The following SLC24A2 variants were observed in gnomAD, a reference collection of about 807,000 sequenced individuals.
SLC24A2 encodes the protein solute carrier family 24 member 2, also known as sodium/potassium/calcium exchanger 2.
Under a neutral mutation model 62.0 loss-of-function variants are expected in SLC24A2, and 36 were observed. That is an observed-to-expected ratio of 0.58 (90% CI 0.44 to 0.77). The LOEUF (loss-of-function observed/expected upper bound fraction) is 0.77, where lower values mean the gene tolerates loss of function less well. Among genes scored for constraint, SLC24A2 ranks in the 30% least tolerant of loss-of-function variants. The pLI is 0.00. For synonymous variants in SLC24A2, 358 were observed against 294.0 expected (o/e 1.22, Z -2.23); for missense variants, 846 against 817.9 (o/e 1.03, Z -0.42).
chr9:20,064,003 A>G, the SLC24A2 span, among the ~76,000 whole-genome samples: 1 of 152,222 alleles, frequency 6.6e-6, no homozygotes, highest in Admixed American at 6.5e-5. Flanking sequence ...ATAAAAACAT[A>G]TGCACAAAGA....
the SLC24A2 span, among the ~76,000 whole-genome samples, chr9:20,076,282 A>G: frequency 2.0e-5 from 3 of 152,320 alleles, no homozygotes; most frequent in African/African-American, 7.2e-5. Flanking sequence ...GATGATAAAA[A>G]ACTAGAGAGA....
chr9:19,862,793 A>G, the SLC24A2 span, among the ~76,000 whole-genome samples: 1 of 151,982 alleles, frequency 6.6e-6, no homozygotes. Context: ...ATCAGATAGT[A>G]TTTGCAAGCC....
chr9:20,294,153 C>T, the SLC24A2 span, among the ~76,000 whole-genome samples: 1 of 152,082 alleles, frequency 6.6e-6, no homozygotes, highest in African/African-American at 2.4e-5. Flanking sequence ...CAGCCTGCTA[C>T]CCCAGGCACA....
the SLC24A2 span, among the ~76,000 whole-genome samples, chr9:20,089,789 TACAGCACACCACAGCATACC>T: frequency 6.6e-6 from 1 of 150,484 alleles, no homozygotes; most frequent in Non-Finnish European, 1.5e-5. Context: ...CACCAGAACT[TACAGCACACCACAGCATACC>T]ACAGAACACC....
At chr9:19,990,931 A>ATATATATATATATATATATATATATG in the SLC24A2 span, among the ~76,000 whole-genome samples, 1 of 119,482 alleles carries the variant, frequency 8.4e-6, no homozygotes, top group African/African-American at 3.1e-5. Flanking sequence ...GGATATATAT[A>ATATATATATATATATATATATATATG]TATATGTATG....
chr9:19,999,854 G>C, the SLC24A2 span, among the ~76,000 whole-genome samples: 1 of 152,180 alleles, frequency 6.6e-6, no homozygotes, highest in African/African-American at 2.4e-5. Context: ...AAGTCTAGAA[G>C]GGGCCTGTTT....
At chr9:19,816,775 T>A in the SLC24A2 span, among the ~76,000 whole-genome samples, 1 of 151,918 alleles carries the variant, frequency 6.6e-6, no homozygotes, top group South Asian at 2.1e-4. Flanking sequence ...TCATGAGAAC[T>A]CACTCACTAT....
intron 4 of SLC24A2, among the ~76,000 whole-genome samples, chr9:19,607,643 C>T (rs901014394): frequency 2.1e-5 from 3 of 144,958 alleles, no homozygotes; most frequent in Non-Finnish European, 3.0e-5. Flanking sequence ...CGCTTGAACC[C>T]GGGAGGTGGA....
chr9:19,965,008 G>C, the SLC24A2 span, among the ~76,000 whole-genome samples: 27 of 152,216 alleles, frequency 1.8e-4, no homozygotes, highest in African/African-American at 6.5e-4. Flanking sequence ...CACATGTAGA[G>C]ACAACAGCCT....
chr9:20,182,903 T>C, the SLC24A2 span, among the ~76,000 whole-genome samples: 1 of 152,224 alleles, frequency 6.6e-6, no homozygotes, highest in South Asian at 2.1e-4. Context: ...TGGGCCACAA[T>C]CTTTTTACTT....
chr9:19,779,868 G>A (rs1822958819), intron 2 of SLC24A2, among the ~76,000 whole-genome samples: 1 of 151,520 alleles, frequency 6.6e-6, no homozygotes, highest in Non-Finnish European at 1.5e-5. Flanking sequence ...GACCACCCTG[G>A]CTAACATGGT....
intron 2 of SLC24A2, among the ~76,000 whole-genome samples, chr9:19,625,395 T>C (rs920310166): frequency 5.3e-5 from 8 of 152,162 alleles, no homozygotes; most frequent in Admixed American, 5.2e-4. Context: ...CACACACAAC[T>C]ATTCTTTGAG....
the SLC24A2 span, among the ~76,000 whole-genome samples, chr9:19,825,457 T>G: frequency 1.4e-4 from 21 of 152,288 alleles, no homozygotes; most frequent in Admixed American, 1.3e-4. Context: ...AACTAGTTTA[T>G]GATTTAGGCT....
intron 9 of SLC24A2, 82 bp downstream of exon 9, chr9:19,527,967 G>A: frequency 1.1e-6 from 1 of 889,636 alleles, no homozygotes; most frequent in East Asian, 2.6e-5. Flanking sequence ...GGCAGTTGCA[G>A]AAAGCAAACA....
intron 8 of SLC24A2, among the ~76,000 whole-genome samples, chr9:19,549,174 C>G (rs1039309883): frequency 6.6e-6 from 1 of 152,124 alleles, no homozygotes; most frequent in Admixed American, 6.5e-5. Context: ...TAAACATAGT[C>G]GATTAAAGTA....
At chr9:20,235,993 T>C in the SLC24A2 span, among the ~76,000 whole-genome samples, 1 of 152,158 alleles carries the variant, frequency 6.6e-6, no homozygotes, top group African/African-American at 2.4e-5. Context: ...TAACATACCA[T>C]AGTAGAAGCT....
intron 2 of SLC24A2, among the ~76,000 whole-genome samples, chr9:19,763,404 A>G (rs1307807501): frequency 1.3e-5 from 2 of 152,208 alleles, no homozygotes; most frequent in African/African-American, 4.8e-5. Flanking sequence ...CAGTTTTCAA[A>G]GGGAATGCTT....
intron 8 of SLC24A2, among the ~76,000 whole-genome samples, chr9:19,528,628 G>C (rs1248098075): frequency 6.6e-6 from 1 of 152,076 alleles, no homozygotes; most frequent in Non-Finnish European, 1.5e-5. Context: ...AGGATCAGCA[G>C]GTTTAAAAAT....
the SLC24A2 span, among the ~76,000 whole-genome samples, chr9:20,159,892 G>T: frequency 6.6e-6 from 1 of 151,494 alleles, no homozygotes; most frequent in Non-Finnish European, 1.5e-5. Context: ...AAGCACAGTA[G>T]ATATAGCATA....
Sources: gnomAD v4.1 joint callset for allele counts (sites outside exome capture counted in the v4.1 genomes callset) on GRCh38, gnomAD v4.1.1 for gene constraint, MANE v1.5 for transcripts, NCBI Gene and HGNC (gene_info 2026-07-23, HGNC 2026-07-21) for gene names.